Variants in ZMIZ1 observed in about 807,000 individuals in gnomAD.
The protein encoded by ZMIZ1 is zinc finger MIZ-type containing 1, also known as zinc finger MIZ domain-containing protein 1.
A neutral mutation model predicts 113.9 loss-of-function variants in ZMIZ1; 17 were observed. That is an observed-to-expected ratio of 0.15 (90% CI 0.10 to 0.22). ZMIZ1 has a LOEUF of 0.22. ZMIZ1 is among the 10% of genes least tolerant of loss of function. The pLI, the probability that ZMIZ1 is intolerant of heterozygous loss-of-function variation, is 1.00. For missense variants in ZMIZ1, 1,059 were observed against 1,477.8 expected (o/e 0.72, Z 4.65); for synonymous variants, 607 against 603.1 (o/e 1.01, Z -0.09).
intron 7 of ZMIZ1, among the ~76,000 whole-genome samples, chr10:79,222,766 C>T (rs1005852587): frequency 5.9e-5 from 9 of 152,080 alleles, no homozygotes; most frequent in African/African-American, 2.2e-4. Context: ...TCCCAGGGAG[C>T]TTCTATAACA....
At chr10:79,114,486 T>C (rs1193730229) in intron 1 of ZMIZ1, among the ~76,000 whole-genome samples, 15,702 of 97,774 alleles carry the variant, frequency 0.16, 983 homozygotes, top group Admixed American at 0.22. Flanking sequence ...TCTGTGTGTG[T>C]GTGTGTGCGT....
At chr10:79,097,234 A>T (rs1251202739) in intron 1 of ZMIZ1, among the ~76,000 whole-genome samples, 1 of 152,026 alleles carries the variant, frequency 6.6e-6, no homozygotes, top group Non-Finnish European at 1.5e-5. Context: ...ACATGACATC[A>T]CTGGCTATTT....
chr10:79,182,656 GA>G (rs1162104955), intron 4 of ZMIZ1, among the ~76,000 whole-genome samples: 1 of 152,242 alleles, frequency 6.6e-6, no homozygotes, highest in Non-Finnish European at 1.5e-5. Context: ...AGAGCCCTAA[GA>G]GGCTTGAGGA....
chr10:79,267,550 T>C (rs1232963854), intron 7 of ZMIZ1, among the ~76,000 whole-genome samples: 1 of 152,180 alleles, frequency 6.6e-6, no homozygotes, highest in Non-Finnish European at 1.5e-5. Context: ...TTATCCCCAT[T>C]TTGCAGAAGG....
intron 1 of ZMIZ1, among the ~76,000 whole-genome samples, chr10:79,105,243 G>A (rs917385866): frequency 6.6e-6 from 1 of 152,200 alleles, no homozygotes; most frequent in Non-Finnish European, 1.5e-5. Flanking sequence ...AGGTCACAGC[G>A]ACTCTGCTCT....
chr10:79,073,128 A>C (rs1842349138), intron 1 of ZMIZ1, among the ~76,000 whole-genome samples: 1 of 152,208 alleles, frequency 6.6e-6, no homozygotes, highest in South Asian at 2.1e-4. Context: ...CCAAGGTGTC[A>C]GGAGGCTGTT....
At chr10:79,197,578 C>T (rs939141407) in intron 4 of ZMIZ1, among the ~76,000 whole-genome samples, 4 of 148,594 alleles carry the variant, frequency 2.7e-5, no homozygotes, top group East Asian at 4.1e-4. Context: ...TGATTACGCC[C>T]CTGCCAACCC....
In ZMIZ1 at chr10:79,315,090, C is replaced by T. The variant is rs1191414909; in HGVS notation, c.*2341C>T. 6.5e-6 allele frequency: 1 copy of T among 152,922 alleles called. No individual in the cohort carries two copies. Among genetic ancestry groups the T allele is most frequent in the Non-Finnish European group, 1.5e-5 (1 of 68,162 alleles). 9.5% of individuals were successfully genotyped at this position (152,922 alleles called of 1,614,324 possible). On this transcript the variant is annotated 3_prime_UTR_variant, in exon 25 of 25. Coordinates refer to ENST00000334512, the MANE Select transcript of ZMIZ1 (RefSeq NM_020338.4). ...TCGAGATGCTCCCTGCAGCCCAGGC[C>T]CCGGGCACCTCCTGCAACCATCTCT...
At chr10:79,205,023 G>C (rs1754122602) in intron 5 of ZMIZ1, among the ~76,000 whole-genome samples, 1 of 152,166 alleles carries the variant, frequency 6.6e-6, no homozygotes, top group South Asian at 2.1e-4. Flanking sequence ...ATGAATGGAT[G>C]AATCACTTGA....
At chr10:79,155,496 A>G (rs1246597804) in intron 3 of ZMIZ1, among the ~76,000 whole-genome samples, 1 of 152,200 alleles carries the variant, frequency 6.6e-6, no homozygotes, top group Admixed American at 6.5e-5. Context: ...TCTCTGTTCA[A>G]GTCCAGCACC....
chr10:79,292,643 G>A, intron 11 of ZMIZ1: 1 of 516,706 alleles, frequency 1.9e-6, no homozygotes, highest in Non-Finnish European at 3.6e-6. Context: ...TGGGGAAAAG[G>A]TTCTACATGG....
chr10:79,130,663 G>A (rs533161672), intron 2 of ZMIZ1, among the ~76,000 whole-genome samples: 5 of 152,180 alleles, frequency 3.3e-5, no homozygotes, highest in African/African-American at 1.2e-4. Flanking sequence ...GTCTGATTCC[G>A]GCTCCATCAC....
chr10:79,292,395 C>T lies in ZMIZ1; in HGVS notation c.957+39C>T, dbSNP rs201144319. 2.5e-5 allele frequency: 39 copies of T among 1,582,876 alleles called. No individual in the cohort carries two copies. The East Asian group carries it at 7.7e-4, about 31-fold the overall frequency. ...CTAATCCTGGTCCAGCCTTGCCCAG[C>T]CAGCCAGGCAGACAGCCCTGGGAAA... On this transcript the variant is annotated intron_variant, in intron 11 of 24. Coordinates refer to ENST00000334512, the MANE Select transcript of ZMIZ1 (RefSeq NM_020338.4).
At chr10:79,088,498 G>C (rs868251337) in intron 1 of ZMIZ1, among the ~76,000 whole-genome samples, 43 of 152,328 alleles carry the variant, frequency 2.8e-4, no homozygotes, top group Middle Eastern at 3.4e-3. Flanking sequence ...GGGTTCTTTC[G>C]GTTAAAGGTG....
At chr10:79,079,263 A>AGGGGTTTG (rs954937827) in intron 1 of ZMIZ1, among the ~76,000 whole-genome samples, 1 of 152,250 alleles carries the variant, frequency 6.6e-6, no homozygotes, top group African/African-American at 2.4e-5. Flanking sequence ...CAGAGCCAGA[A>AGGGGTTTG]GGGGTTTGTT....
intron 5 of ZMIZ1, among the ~76,000 whole-genome samples, chr10:79,207,260 GA>G (rs777272223): frequency 1.6e-4 from 24 of 152,328 alleles, no homozygotes; most frequent in Non-Finnish European, 3.1e-4. Context: ...GGGACCTCAG[GA>G]GGTGCCATCA....
At chr10:79,168,275 C>T (rs1846444905) in intron 4 of ZMIZ1, among the ~76,000 whole-genome samples, 2 of 152,208 alleles carry the variant, frequency 1.3e-5, no homozygotes, top group Non-Finnish European at 2.9e-5. Flanking sequence ...GGAGCTCCCC[C>T]GGGGGCCTAC....
intron 7 of ZMIZ1, among the ~76,000 whole-genome samples, chr10:79,263,368 G>C (rs1272775369): frequency 6.6e-6 from 1 of 152,200 alleles, no homozygotes; most frequent in Admixed American, 6.5e-5. Context: ...GCAGGGAAGG[G>C]TGGGGTGGAG....
chr10:79,288,429 TC>T (rs1380646013), intron 8 of ZMIZ1, among the ~76,000 whole-genome samples: 1 of 152,166 alleles, frequency 6.6e-6, no homozygotes, highest in Non-Finnish European at 1.5e-5. Context: ...ATTTGCTGTC[TC>T]CTGTGACTAA....
Sources: gnomAD v4.1 joint callset for allele counts (sites outside exome capture counted in the v4.1 genomes callset) on GRCh38, gnomAD v4.1.1 for gene constraint, MANE v1.5 for transcripts, NCBI Gene and HGNC (gene_info 2026-07-23, HGNC 2026-07-21) for gene names.